Variants in ADGRD2 observed in about 807,000 individuals in gnomAD.
ADGRD2 encodes G protein-coupled receptor PGR24.
A neutral mutation model predicts 44.4 loss-of-function variants in ADGRD2; 71 were observed. The observed-to-expected ratio is 1.60, with a 90% CI of 1.32 to 1.95. ADGRD2 has a LOEUF of 1.95. ADGRD2 is among the 30% of genes most tolerant of loss of function. The pLI is 0.00. For synonymous variants in ADGRD2, 481 were observed against 224.8 expected, an observed-to-expected ratio of 2.14 and a Z score of -10.19; for missense variants, 1,039 against 512.4, an observed-to-expected ratio of 2.03 and a Z score of -9.92.
In ADGRD2 at chr9:124,475,429, G is replaced by A. The variant is rs1278773233; in HGVS notation, c.2759-17G>A. On this transcript the variant is annotated splice_polypyrimidine_tract_variant and intron_variant, in intron 17 of 21. Transcript: ENST00000334810. ...TAGGAGGCTCCGGGCTGAGGCACTC[G>A]CTGGGTCTGTCCTCAGGGGCTGTAC... 10 of 709,744 alleles carry A rather than the reference G, an allele frequency of 1.4e-5. 1 individual carries two copies. Among genetic ancestry groups the A allele is most frequent in the South Asian group, 1.1e-4 (7 of 66,658 alleles). The allele number at this position is 709,744 out of a possible 1,614,324, so 44.0% of individuals were successfully genotyped here.
In ADGRD2 at chr9:124,469,368, C is replaced by A. The variant is rs1459423923; in HGVS notation, c.2521+13C>A. On this transcript the variant is annotated intron_variant, in intron 15 of 21. Coordinates refer to ENST00000334810, the Ensembl canonical transcript of ADGRD2. ...CTTCGTGCTGACTGTGAGCTGGGGA[C>A]CTGCAGGGGAGGGGCGTGTTGGGGA... is the stretch of plus-strand genomic sequence containing the variant. 1 of 718,328 alleles carries A rather than the reference C, an allele frequency of 1.4e-6. No homozygotes were observed. The highest frequency in any genetic ancestry group is 2.6e-6 in the Non-Finnish European group (1 of 385,090). 44.5% of individuals were successfully genotyped at this position (718,328 alleles called of 1,614,324 possible).
At chr9:124,457,561 C>T in exon 8 of ADGRD2, 1 of 683,812 alleles carries the variant, frequency 1.5e-6, no homozygotes, top group Non-Finnish European at 2.7e-6. Flanking sequence ...GGGGCCCGGC[C>T]ATATCCACAT....
At chr9:124,462,373 T>A (rs1413953668) in intron 10 of ADGRD2, among the ~76,000 whole-genome samples, 1 of 152,192 alleles carries the variant, frequency 6.6e-6, no homozygotes, top group Non-Finnish European at 1.5e-5. Flanking sequence ...CCAGCCTTGT[T>A]CTTTTTCAAA....
chr9:124,476,310 A>G, intron 19 of ADGRD2, 47 bp from the exon 23 acceptor site: 1 of 672,818 alleles, frequency 1.5e-6, no homozygotes, highest in Non-Finnish European at 2.7e-6. Context: ...GAGCAGAGAG[A>G]GGGCTTCCTG....
chr9:124,451,456 G>A (rs1260263792), upstream of ADGRD2: 1 of 353,670 alleles, frequency 2.8e-6, no homozygotes, highest in South Asian at 2.1e-5. Flanking sequence ...TCCCTACTAG[G>A]TGGGCCACCC....
chr9:124,458,087 C>A (rs776431357), intron 8 of ADGRD2, 26 bp from the exon 12 acceptor site: 1 of 718,116 alleles, frequency 1.4e-6, no homozygotes, highest in Non-Finnish European at 2.6e-6. Flanking sequence ...CCGGGTGGTG[C>A]CTTGGTGCCC....
chr9:124,453,618 C>G, exon 3 of ADGRD2: 1 of 700,988 alleles, frequency 1.4e-6, no homozygotes, highest in Non-Finnish European at 2.6e-6. Flanking sequence ...GGGACCCGGG[C>G]GCCCTGGACG....
intron 17 of ADGRD2, among the ~76,000 whole-genome samples, chr9:124,474,617 C>A (rs932896438): frequency 2.0e-5 from 3 of 152,094 alleles, no homozygotes; most frequent in Non-Finnish European, 2.9e-5. Context: ...GAATTCCAGG[C>A]CCCCACCTGT....
At chr9:124,471,548 C>A (rs972182230) in intron 17 of ADGRD2, among the ~76,000 whole-genome samples, 2 of 152,214 alleles carry the variant, frequency 1.3e-5, no homozygotes, top group Admixed American at 6.5e-5. Context: ...TCCCAATAAG[C>A]CTTGTAAGTG....
chr9:124,476,841 C>T (rs1338984666), intron 21 of ADGRD2, 132 bp downstream of exon 24: 1 of 683,014 alleles, frequency 1.5e-6, no homozygotes, highest in African/African-American at 1.8e-5. Flanking sequence ...GCCCTCCCCT[C>T]ACTCCACAGG....
At chr9:124,470,020 C>T (rs1831917143) in intron 16 of ADGRD2, among the ~76,000 whole-genome samples, 2 of 152,170 alleles carry the variant, frequency 1.3e-5, no homozygotes, top group East Asian at 3.9e-4. Flanking sequence ...GAGAGAGGGA[C>T]CCCACCGGCC....
chr9:124,453,184 T>A, exon 3 of ADGRD2: 1 of 687,354 alleles, frequency 1.5e-6, no homozygotes, highest in Non-Finnish European at 2.6e-6. Flanking sequence ...AGCGCTCTTC[T>A]CCGTTGCCGC....
chr9:124,456,662 G>T (rs755304046), exon 7 of ADGRD2: 3 of 717,404 alleles, frequency 4.2e-6, no homozygotes, highest in South Asian at 3.0e-5. Context: ...AGTGTGCAGC[G>T]CCTGGCACCC....
At chr9:124,450,828 T>C (rs1182468296), upstream of ADGRD2, among the ~76,000 whole-genome samples, 1 of 152,214 alleles carries the variant, frequency 6.6e-6, no homozygotes, top group African/African-American at 2.4e-5. Flanking sequence ...TCACTGGTGA[T>C]GGCTCAGATG....
chr9:124,457,773 C>T, intron 8 of ADGRD2, among the ~76,000 whole-genome samples, 167 bp downstream of exon 11: 1 of 152,210 alleles, frequency 6.6e-6, no homozygotes, highest in Admixed American at 6.5e-5. Flanking sequence ...AAGCACCCAC[C>T]ACAGAGTGGT....
chr9:124,453,039 G>T, exon 3 of ADGRD2: 1 of 662,606 alleles, frequency 1.5e-6, no homozygotes, highest in Non-Finnish European at 2.7e-6. Flanking sequence ...CTGCAGGTGC[G>T]CGCACCACCG....
chr9:124,452,315 G>C (rs916324154), intron 1 of ADGRD2, 161 bp downstream of exon 4: 20 of 636,600 alleles, frequency 3.1e-5, no homozygotes, highest in Non-Finnish European at 4.9e-5. Flanking sequence ...ACTGGTTTCC[G>C]TCTCATTCCT....
exon 12 of ADGRD2, chr9:124,467,745 C>G (rs1378991712): frequency 1.4e-6 from 1 of 718,546 alleles, no homozygotes; most frequent in African/African-American, 1.7e-5. Context: ...GGAGTCGCTG[C>G]TGAGGACTCT....
At chr9:124,466,376 C>T (rs753551859) in exon 11 of ADGRD2, 2 of 717,176 alleles carry the variant, frequency 2.8e-6, no homozygotes, top group Non-Finnish European at 5.2e-6. Flanking sequence ...AACCACAGCA[C>T]CAGCTTTGCC....
Sources: allele counts gnomAD v4.1 joint callset (sites outside exome capture counted in the v4.1 genomes callset), GRCh38; gene constraint gnomAD v4.1.1; transcripts MANE v1.5; gene names NCBI Gene and HGNC (gene_info 2026-07-23, HGNC 2026-07-21).